Variants in SLC9C1 observed in about 807,000 individuals in gnomAD.
SLC9C1 encodes solute carrier family 9 member C1, also known as sodium/hydrogen exchanger 10.
Under a neutral mutation model 140.9 loss-of-function variants are expected in SLC9C1, and 97 were observed. The ratio of observed to expected loss-of-function variants is 0.69; its 90% CI spans 0.58 to 0.82. SLC9C1 has a LOEUF of 0.82. SLC9C1 is among the 40% of genes least tolerant of loss of function. The pLI, the probability that SLC9C1 is intolerant of heterozygous loss-of-function variation, is 0.00. For missense variants in SLC9C1, 1,340 were observed against 1,389.3 expected (o/e 0.96, Z 0.56); for synonymous variants, 440 against 442.6 (o/e 0.99, Z 0.07).
intron 10 of SLC9C1, 37 bp downstream of exon 10, chr3:112,262,887 A>G: frequency 1.3e-6 from 2 of 1,490,402 alleles, no homozygotes; most frequent in Non-Finnish European, 1.8e-6. Flanking sequence ...TAATAGTTTT[A>G]TACAATATTC....
At chr3:112,229,166 G>A (rs1192847851) in intron 13 of SLC9C1, among the ~76,000 whole-genome samples, 1 of 152,090 alleles carries the variant, frequency 6.6e-6, no homozygotes, top group Non-Finnish European at 1.5e-5. Flanking sequence ...CCAAGAGGCT[G>A]GGAAGGGTAG....
rs1325287413 is a variant in SLC9C1 at position 112,262,373 on chromosome 3, T to TA, written c.1197+550dup. ...CTCTTTTTACATTTGGAATTTTTGT[T>TA]AAAAAAAAAAACCCAGATGATAAAA... is the stretch of plus-strand genomic sequence containing the variant. On this transcript the variant is annotated intron_variant, in intron 10 of 28. Transcript: ENST00000305815. Among the ~76,000 whole-genome samples the TA allele has an allele frequency of 3.5e-3, 510 of 146,486 alleles. 2 individuals carry two copies. Among genetic ancestry groups the TA allele is most frequent in the African/African-American group, 9.6e-3 (386 of 40,250 alleles).
chr3:112,154,893 A>G, intron 27 of SLC9C1, 104 bp downstream of exon 27: 1 of 1,054,864 alleles, frequency 9.5e-7, no homozygotes, highest in Non-Finnish European at 1.4e-6. Context: ...AATGACTAGC[A>G]GATGAACTTT....
At chr3:112,238,987 C>A (rs2108210935) in intron 12 of SLC9C1, among the ~76,000 whole-genome samples, 1 of 152,326 alleles carries the variant, frequency 6.6e-6, no homozygotes, top group Middle Eastern at 3.4e-3. Flanking sequence ...TCAAAGCTGT[C>A]AGATAGGGAC....
At chr3:112,208,921 G>T (rs577204226) in intron 15 of SLC9C1, among the ~76,000 whole-genome samples, 64 of 152,220 alleles carry the variant, frequency 4.2e-4, no homozygotes, top group South Asian at 1.9e-3. Context: ...AGGATGCATG[G>T]TGGTGGAATA....
Position 112,156,990 on chromosome 3 carries a change from A to G in SLC9C1, c.3365-1941T>C, listed in dbSNP as rs148805873. ...TGTAGGTTGTCTCTTCACTTTGTAGACTGTTTCCTTTGTTGTGCAGAAGCT... is the reference window on the plus strand; with the variant it reads ...TGTAGGTTGTCTCTTCACTTTGTAGGCTGTTTCCTTTGTTGTGCAGAAGCT... On this transcript the variant is annotated intron_variant, in intron 26 of 28. Transcript: ENST00000305815. Among the ~76,000 whole-genome samples the G allele has an allele frequency of 1.6e-3, 246 of 152,144 alleles. 6 individuals are homozygous for G. In the East Asian group the frequency reaches 0.045, roughly 28 times the overall value.
At chr3:112,276,863 T>C (rs545710291) in intron 5 of SLC9C1, among the ~76,000 whole-genome samples, 1 of 152,178 alleles carries the variant, frequency 6.6e-6, no homozygotes, top group East Asian at 1.9e-4. Context: ...TTAATGTCCT[T>C]TGTCTTGAAG....
intron 14 of SLC9C1, among the ~76,000 whole-genome samples, chr3:112,220,179 T>C (rs1177079593): frequency 6.6e-6 from 1 of 152,222 alleles, no homozygotes; most frequent in African/African-American, 2.4e-5. Context: ...CTTCCTATCA[T>C]GACACATATA....
chr3:112,231,523 G>C (rs1449375486), intron 12 of SLC9C1, 37 bp from the exon 13 acceptor site: 1 of 1,550,616 alleles, frequency 6.4e-7, no homozygotes, highest in Non-Finnish European at 8.7e-7. Flanking sequence ...AAAAATACAT[G>C]AATATTAACA....
At chr3:112,193,504 C>T (rs1269658965) in intron 20 of SLC9C1, among the ~76,000 whole-genome samples, 2 of 152,044 alleles carry the variant, frequency 1.3e-5, no homozygotes, top group African/African-American at 4.8e-5. Flanking sequence ...AGAAGGGTAA[C>T]TTGGGGCTCT....
intron 28 of SLC9C1, chr3:112,151,400 C>G (rs950255682): frequency 3.9e-6 from 2 of 518,946 alleles, no homozygotes; most frequent in African/African-American, 3.8e-5. Flanking sequence ...AGCCATTTCT[C>G]TCTTGAATTC....
At chr3:112,237,923 C>T (rs1410092932) in intron 12 of SLC9C1, among the ~76,000 whole-genome samples, 3 of 152,094 alleles carry the variant, frequency 2.0e-5, no homozygotes, top group Admixed American at 6.6e-5. Context: ...GTGAATCTGA[C>T]AATTATGTGT....
intron 15 of SLC9C1, among the ~76,000 whole-genome samples, chr3:112,212,022 A>T (rs1224639390): frequency 2.0e-5 from 3 of 152,212 alleles, no homozygotes; most frequent in East Asian, 1.9e-4. Context: ...CGGAGGAATG[A>T]TCAGGCAGCA....
At chr3:112,222,247 A>G (rs1262867565) in intron 13 of SLC9C1, among the ~76,000 whole-genome samples, 2 of 152,210 alleles carry the variant, frequency 1.3e-5, no homozygotes, top group Non-Finnish European at 2.9e-5. Context: ...ATACCAAAGC[A>G]ATTAGATACT....
chr3:112,258,397 T>A (rs999431151), intron 10 of SLC9C1, among the ~76,000 whole-genome samples: 4 of 136,416 alleles, frequency 2.9e-5, no homozygotes, highest in Admixed American at 2.3e-4. Flanking sequence ...GAGATTTGGG[T>A]GGGTTTTTTT....
chr3:112,163,850 C>G (rs2075382492), intron 26 of SLC9C1, among the ~76,000 whole-genome samples: 1 of 151,916 alleles, frequency 6.6e-6, no homozygotes, highest in Non-Finnish European at 1.5e-5. Context: ...TCTCGTTGAT[C>G]TGTCTAATGT....
At chr3:112,185,903 C>T in intron 20 of SLC9C1, 1 of 1,581,166 alleles carries the variant, frequency 6.3e-7, no homozygotes. Flanking sequence ...CAGCCACCAC[C>T]ACGTACCGCC....
chr3:112,250,320 C>T lies in SLC9C1; in HGVS notation c.1198-6244G>A, dbSNP rs567572964. Among the ~76,000 whole-genome samples, 232 of 151,620 alleles carry T rather than the reference C, an allele frequency of 1.5e-3. 1 individual carries two copies. Among genetic ancestry groups the T allele is most frequent in the African/African-American group, 5.4e-3 (221 of 41,302 alleles). On this transcript the variant is annotated intron_variant, in intron 10 of 28. Transcript: ENST00000305815. ...CTTAATCCAGTCTATCATTGTTGGA[C>T]ATTTGGGTTGGTTCCAAGTCTTTGC...
chr3:112,154,116 G>A lies in SLC9C1; in HGVS notation c.3417+881C>T, dbSNP rs373840548. Among the ~76,000 whole-genome samples, 24 of 152,192 alleles carry A rather than the reference G, an allele frequency of 1.6e-4. 1 individual carries two copies. The highest frequency in any genetic ancestry group is 5.5e-4 in the African/African-American group (23 of 41,538). The stretch of plus-strand genomic sequence containing the variant: ...GTGTCTGTTCTCAGGTTTATGTCTA[G>A]TGCTAATAGAACAAATAGGCTTAAT... On this transcript the variant is annotated intron_variant, in intron 27 of 28. Transcript: ENST00000305815.
Sources: gnomAD v4.1 joint callset for allele counts (sites outside exome capture counted in the v4.1 genomes callset) on GRCh38, gnomAD v4.1.1 for gene constraint, MANE v1.5 for transcripts, NCBI Gene and HGNC (gene_info 2026-07-23, HGNC 2026-07-21) for gene names.